Variants in ERN1 observed in about 807,000 individuals in gnomAD.
ERN1 encodes serine/threonine-protein kinase/endoribonuclease IRE1.
ERN1 carries 39 observed loss-of-function variants against 113.1 expected under a neutral mutation model. That is an observed-to-expected ratio of 0.34 (90% CI 0.27 to 0.45). The LOEUF is 0.45. Ranked by LOEUF, ERN1 falls within the 20% of genes least tolerant of loss-of-function variation. ERN1 has a pLI of 1.00. For synonymous variants in ERN1, 507 were observed against 515.9 expected (o/e 0.98, Z 0.23); for missense variants, 976 against 1,274.8 (o/e 0.77, Z 3.57).
intron 1 of ERN1, among the ~76,000 whole-genome samples, chr17:64,115,236 A>G (rs1029561708): frequency 9.9e-5 from 15 of 152,086 alleles, no homozygotes; most frequent in African/African-American, 2.2e-4. Flanking sequence ...GGATTTGCCA[A>G]TCTCTTCCAG....
intron 1 of ERN1, among the ~76,000 whole-genome samples, chr17:64,102,323 A>T (rs1332042751): frequency 1.3e-5 from 2 of 152,290 alleles, no homozygotes; most frequent in African/African-American, 4.8e-5. Flanking sequence ...CACATGACTA[A>T]TTTAGTCTTG....
At chr17:64,066,989 C>A in intron 7 of ERN1, 57 bp from the exon 8 acceptor site, 1 of 1,574,406 alleles carries the variant, frequency 6.4e-7, no homozygotes. Flanking sequence ...GCAACCACAT[C>A]CTCTACTCTT....
intron 1 of ERN1, among the ~76,000 whole-genome samples, chr17:64,106,710 T>A: frequency 1.1e-5 from 1 of 94,300 alleles, no homozygotes; most frequent in African/African-American, 3.2e-5. Context: ...TCCTACAGGG[T>A]TTCTTACACA....
At chr17:64,056,084 A>G (rs1479125521) in intron 12 of ERN1, 136 bp from the exon 13 acceptor site, 1 of 1,365,330 alleles carries the variant, frequency 7.3e-7, no homozygotes, top group East Asian at 2.6e-5. Context: ...GAGACCAGTG[A>G]GAAGGCACCT....
intron 1 of ERN1, among the ~76,000 whole-genome samples, chr17:64,109,520 C>T (rs557393216): frequency 1.3e-5 from 2 of 152,344 alleles, no homozygotes; most frequent in East Asian, 3.9e-4. Flanking sequence ...ACACACTTCT[C>T]TACCGGCCCA....
In ERN1 at chr17:64,047,923, A is replaced by T; in HGVS notation, c.2464T>A (p.Ser822Thr). 6.2e-7 allele frequency: 1 copy of T among 1,613,340 alleles called. No homozygotes were observed. Among genetic ancestry groups the T allele is most frequent in the East Asian group, 2.2e-5 (1 of 44,850 alleles). The change falls in exon 19 of 22, where the codon TCA (serine) becomes ACA (threonine). Residue 822 changes from serine (S) to threonine (T), a missense_variant. Physicochemically the swap from Ser to Thr is moderately conservative, Grantham distance 58. This residue lies in a region of ERN1 where 297 missense variants were observed against 457.8 expected (regional missense o/e 0.65). Coordinates refer to ENST00000433197, the MANE Select transcript of ERN1 (RefSeq NM_001433.5). ...GGGTGTTTGAGCACATGCTTCGCTG[A>T]GGGGCGTTTCTGAGGATCCATCGCA... ...MIAMDPQKRP[S>T]AKHVLKHPFF...
intron 1 of ERN1, among the ~76,000 whole-genome samples, chr17:64,120,199 C>G (rs1008812569): frequency 1.4e-4 from 21 of 152,198 alleles, no homozygotes; most frequent in African/African-American, 4.8e-4. Context: ...AGCACCGCCT[C>G]AAGTAACACA....
At chr17:64,100,394 C>T (rs9916414) in intron 1 of ERN1, among the ~76,000 whole-genome samples, 1 of 152,068 alleles carries the variant, frequency 6.6e-6, no homozygotes, top group Non-Finnish European at 1.5e-5. Flanking sequence ...CCTCCACCCC[C>T]CAAAGTTACC....
chr17:64,126,833 T>C (rs1296973497), intron 1 of ERN1, among the ~76,000 whole-genome samples: 1 of 151,968 alleles, frequency 6.6e-6, no homozygotes, highest in Non-Finnish European at 1.5e-5. Context: ...TATACACACA[T>C]GATCCTCAGT....
intron 1 of ERN1, chr17:64,129,616 G>A (rs1257073552): frequency 2.7e-6 from 1 of 366,724 alleles, no homozygotes; most frequent in African/African-American, 2.1e-5. Context: ...GGGTCCCGCA[G>A]GTGGGCGGCC....
At chr17:64,071,867 G>A in intron 6 of ERN1, 114 bp downstream of exon 6, 1 of 1,094,248 alleles carries the variant, frequency 9.1e-7, no homozygotes, top group Non-Finnish European at 1.3e-6. Flanking sequence ...GACATGATGG[G>A]ACCTGTGTTT....
rs1287787982 is a variant in ERN1 at position 64,042,658 on chromosome 17, G to A, written c.*1330C>T. ...AGACAAAGTTTTGACTGAAACTAAA[G>A]CTAAAAATTATGTTAAGTTTAGAAA... On this transcript the variant is annotated 3_prime_UTR_variant, in exon 22 of 22. Transcript: ENST00000433197. 1 of 151,884 alleles carries A rather than the reference G, an allele frequency of 6.6e-6. No homozygotes were observed. Among genetic ancestry groups the A allele is most frequent in the Non-Finnish European group, 1.5e-5 (1 of 67,990 alleles). The allele number at this position is 151,884 out of a possible 1,614,324, so 9.4% of individuals were successfully genotyped here. A position where few individuals can be genotyped will look rare whatever the true frequency, so the allele number is the denominator to read the frequency against.
At chr17:64,101,992 AATC>A (rs552195554) in intron 1 of ERN1, among the ~76,000 whole-genome samples, 4 of 152,126 alleles carry the variant, frequency 2.6e-5, no homozygotes, top group Non-Finnish European at 5.9e-5. Context: ...ATAAAACACT[AATC>A]ATGGCCGGGA....
In ERN1 at chr17:64,075,188, T is replaced by G; in HGVS notation, c.342A>C (p.Gly114=). The change falls in exon 5 of 22, where the codon GGA becomes GGC. Residue 114 remains glycine, a synonymous_variant. Coordinates refer to ENST00000433197, the MANE Select transcript of ERN1 (RefSeq NM_001433.5). ...AGGAACTCTTACCCATGTAGAGGAT[T>G]CCATCTGAACTTCGGCATGGGGATG... ...VQASPCRSSD[G]ILYMGKKQDI... 4.5e-6 allele frequency: 7 copies of G among 1,540,846 alleles called. No individual in the cohort carries two copies. Among genetic ancestry groups the G allele is most frequent in the Non-Finnish European group, 6.1e-6 (7 of 1,142,440 alleles).
chr17:64,119,391 T>G (rs1273600307), intron 1 of ERN1, among the ~76,000 whole-genome samples: 4 of 139,084 alleles, frequency 2.9e-5, no homozygotes, highest in African/African-American at 8.2e-5. Flanking sequence ...TTTTTTTTTT[T>G]TTTTTTTTTT....
chr17:64,119,597 G>T (rs901158255), intron 1 of ERN1, among the ~76,000 whole-genome samples: 1 of 151,492 alleles, frequency 6.6e-6, no homozygotes, highest in African/African-American at 2.4e-5. Context: ...TCACCATGTT[G>T]GCCAGGCTGA....
chr17:64,122,819 T>C (rs1914986796), intron 1 of ERN1, among the ~76,000 whole-genome samples: 1 of 152,252 alleles, frequency 6.6e-6, no homozygotes, highest in Admixed American at 6.5e-5. Flanking sequence ...GTTTTTGTTT[T>C]AAAGTTGAAT....
Position 64,068,178 on chromosome 17 carries a change from G to A in ERN1, c.580+12C>T, listed in dbSNP as rs758079919. ...TGGCCCAAGCTTGTGAAATCCAGCA[G>A]AGAGCACTTACTGTAGTCCACGTCG... is the stretch of plus-strand genomic sequence containing the variant. On this transcript the variant is annotated intron_variant, in intron 7 of 21. Transcript: ENST00000433197. 1 of 1,589,550 alleles carries A rather than the reference G, an allele frequency of 6.3e-7. No individual in the cohort carries two copies.
At position 64,054,254 on chromosome 17, in the gene ERN1, T is replaced by C; in HGVS notation, c.1949A>G (p.Gln650Arg). Residue 650 changes from glutamine (Q) to arginine (R), a missense_variant, in exon 15 of 22, where the codon CAA becomes CGA. Gln to Arg is a conservative substitution (Grantham distance 43). Transcript: ENST00000433197. This position sits in a 1 kb window ranked among gnomAD's most constrained non-coding sequence, Gnocchi z 4.9. Reference protein sequence around the residue: ...IAIELCAATLQEYVEQKDFAH... With the variant: ...IAIELCAATLREYVEQKDFAH... ...AAATAAAAAAAATAAATCCACCTCT[T>C]GCAGGGTGGCTGCACACAGCTCGAT... 6.2e-7 allele frequency: 1 copy of C among 1,609,338 alleles called. No homozygotes were observed. The highest frequency in any genetic ancestry group is 8.5e-7 in the Non-Finnish European group (1 of 1,176,632).
Sources: allele counts gnomAD v4.1 joint callset (sites outside exome capture counted in the v4.1 genomes callset), GRCh38; gene constraint gnomAD v4.1.1; regional missense constraint gnomAD v4.1.1; non-coding constraint Gnocchi (gnomAD v3.1); transcripts MANE v1.5; gene names NCBI Gene and HGNC (gene_info 2026-07-23, HGNC 2026-07-21).